Variants in ARIH2 observed in about 807,000 individuals in gnomAD.
ARIH2 encodes the protein E3 ubiquitin-protein ligase ARIH2.
A neutral mutation model predicts 79.8 loss-of-function variants in ARIH2; 12 were observed. The ratio of observed to expected loss-of-function variants is 0.15; its 90% CI spans 0.10 to 0.24. The LOEUF is 0.24. Among genes scored for constraint, ARIH2 ranks in the 10% least tolerant of loss-of-function variants. The probability of loss-of-function intolerance (pLI) is 1.00; values close to 1 mark genes in which losing one functional copy is unlikely to be tolerated. For missense variants in ARIH2, 301 were observed against 618.3 expected, an observed-to-expected ratio of 0.49 and a Z score of 5.44; for synonymous variants, 224 against 213.9, an observed-to-expected ratio of 1.05 and a Z score of -0.41.
intron 2 of ARIH2, among the ~76,000 whole-genome samples, chr3:48,925,997 C>T (rs1211224489): frequency 6.6e-6 from 1 of 152,084 alleles, no homozygotes; most frequent in African/African-American, 2.4e-5. Flanking sequence ...GGATTACAGG[C>T]GTGAGCCACC....
At chr3:48,962,991 A>G (rs1242313468) in intron 4 of ARIH2, among the ~76,000 whole-genome samples, 2 of 152,084 alleles carry the variant, frequency 1.3e-5, no homozygotes, top group African/African-American at 4.8e-5. Flanking sequence ...GCCTCAGCCT[A>G]TGAAGTAGCT....
At chr3:48,961,704 G>A in intron 4 of ARIH2, 25 bp downstream of exon 4, 1 of 1,507,466 alleles carries the variant, frequency 6.6e-7, no homozygotes, top group Non-Finnish European at 9.2e-7. Flanking sequence ...GGAGGAGAGA[G>A]AACATTGCCC....
rs558043501 is a variant in ARIH2 at position 48,945,547 on chromosome 3, G to A, written c.256-16065G>A. Among the ~76,000 whole-genome samples, 431 of 152,240 alleles carry A rather than the reference G, an allele frequency of 2.8e-3. 4 individuals carry two copies. The highest frequency in any genetic ancestry group is 9.8e-3 in the African/African-American group (409 of 41,526). ...TTTTGAAGATAGATGTTGGTTGTGTGCTAGAAAGGGTCCTAAATGTCATAT... is the reference window on the plus strand; with the variant it reads ...TTTTGAAGATAGATGTTGGTTGTGTACTAGAAAGGGTCCTAAATGTCATAT... On this transcript the variant is annotated intron_variant, in intron 3 of 15. Coordinates refer to ENST00000356401, the MANE Select transcript of ARIH2 (RefSeq NM_006321.4).
chr3:48,934,471 T>A, intron 3 of ARIH2: 4 of 985,404 alleles, frequency 4.1e-6, no homozygotes, highest in Non-Finnish European at 4.8e-6. Flanking sequence ...TGGGAAAGTA[T>A]CTTCAAGCTG....
chr3:48,952,938 T>C (rs377204415), intron 3 of ARIH2, among the ~76,000 whole-genome samples: 30 of 152,198 alleles, frequency 2.0e-4, no homozygotes, highest in African/African-American at 7.0e-4. Flanking sequence ...TCAGCAATTT[T>C]TTTTTTTTTA....
At chr3:48,980,544 G>A (rs377260388) in intron 13 of ARIH2, 48 bp downstream of exon 13, 28 of 1,596,844 alleles carry the variant, frequency 1.8e-5, no homozygotes, top group Admixed American at 8.6e-5. Flanking sequence ...GCCTGGCTCC[G>A]TCAGGCACAG....
intron 3 of ARIH2, chr3:48,934,801 G>A: frequency 1.0e-6 from 1 of 985,412 alleles, no homozygotes; most frequent in Non-Finnish European, 1.2e-6. Context: ...TGTCATCGCT[G>A]TGTACCTGAT....
chr3:48,928,890 C>T (rs1263950008), intron 3 of ARIH2, among the ~76,000 whole-genome samples: 1 of 151,744 alleles, frequency 6.6e-6, no homozygotes, highest in Non-Finnish European at 1.5e-5. Context: ...TTGTGCTGAG[C>T]AGAAAACTCT....
intron 2 of ARIH2, among the ~76,000 whole-genome samples, chr3:48,924,195 A>G (rs1013382507): frequency 6.6e-6 from 1 of 151,842 alleles, no homozygotes; most frequent in Non-Finnish European, 1.5e-5. Flanking sequence ...GAGTGTCACT[A>G]TGTTACCCAG....
At chr3:48,969,337 G>A (rs1393321130) in intron 7 of ARIH2, among the ~76,000 whole-genome samples, 2 of 152,088 alleles carry the variant, frequency 1.3e-5, no homozygotes, top group African/African-American at 4.8e-5. Flanking sequence ...TTCCTGTGTG[G>A]TTGAGCAGAG....
At chr3:48,958,005 C>T (rs906737581) in intron 3 of ARIH2, among the ~76,000 whole-genome samples, 4 of 152,090 alleles carry the variant, frequency 2.6e-5, no homozygotes, top group African/African-American at 7.2e-5. Flanking sequence ...TGAGCCACTG[C>T]GCCTGGCCCC....
intron 2 of ARIH2, among the ~76,000 whole-genome samples, chr3:48,924,374 T>C (rs2085270958): frequency 6.6e-6 from 1 of 151,922 alleles, no homozygotes; most frequent in South Asian, 2.1e-4. Flanking sequence ...ATTATTATTA[T>C]TTTTGGAGAC....
intron 3 of ARIH2, among the ~76,000 whole-genome samples, chr3:48,930,611 C>G (rs192782712): frequency 6.6e-6 from 1 of 152,274 alleles, no homozygotes; most frequent in Non-Finnish European, 1.5e-5. Context: ...AGCTACCACT[C>G]CTGGCCTGTT....
At chr3:48,935,155 A>G (rs957982340) in intron 3 of ARIH2, among the ~76,000 whole-genome samples, 1 of 152,146 alleles carries the variant, frequency 6.6e-6, no homozygotes, top group African/African-American at 2.4e-5. Context: ...ATTTCATTCA[A>G]CCAATATTGG....
chr3:48,930,003 G>A (rs1012730191), intron 3 of ARIH2, among the ~76,000 whole-genome samples: 2 of 152,176 alleles, frequency 1.3e-5, no homozygotes, highest in Non-Finnish European at 2.9e-5. Context: ...AAGAGAAAAT[G>A]GAGCAAAGAG....
intron 3 of ARIH2, among the ~76,000 whole-genome samples, chr3:48,961,144 AT>A (rs1261482632): frequency 6.6e-6 from 1 of 152,078 alleles, no homozygotes; most frequent in Non-Finnish European, 1.5e-5. Flanking sequence ...GGGTTTTTAT[AT>A]TTTGTTTGTT....
rs1184891423 is a variant in ARIH2 at position 48,950,872 on chromosome 3, A to G, written c.256-10740A>G. 6.6e-5 allele frequency among the ~76,000 whole-genome samples: 10 copies of G among 152,124 alleles called. No homozygotes were observed. The East Asian group carries it at 1.7e-3, about 26-fold the overall frequency. ...TTAATTTTTCAATTTGCTGCTATAT[A>G]GAAATACTTTTATGGCTCTTTCTTT... On this transcript the variant is annotated intron_variant, in intron 3 of 15. Transcript: ENST00000356401.
chr3:48,977,129 G>A (rs947181323), intron 11 of ARIH2, among the ~76,000 whole-genome samples: 6 of 151,816 alleles, frequency 4.0e-5, no homozygotes, highest in Non-Finnish European at 5.9e-5. Flanking sequence ...TTGAACCAGG[G>A]AGGTGTAGGT....
chr3:48,973,907 C>T, intron 9 of ARIH2, 91 bp downstream of exon 9: 1 of 964,444 alleles, frequency 1.0e-6, no homozygotes, highest in Non-Finnish European at 1.6e-6. Context: ...GAGCAGAATA[C>T]CCAGAGCCCC....
Sources: allele counts gnomAD v4.1 joint callset (sites outside exome capture counted in the v4.1 genomes callset), GRCh38; gene constraint gnomAD v4.1.1; transcripts MANE v1.5; gene names NCBI Gene and HGNC (gene_info 2026-07-23, HGNC 2026-07-21).